The following RGS7 variants were observed in gnomAD, a reference collection of about 807,000 sequenced individuals.
The protein encoded by RGS7 is regulator of G protein signaling 7, also known as regulator of G-protein signaling 7.
Under a neutral mutation model 81.1 loss-of-function variants are expected in RGS7, and 27 were observed. That is an observed-to-expected ratio of 0.33 (90% CI 0.25 to 0.46). The LOEUF is 0.46. Ranked by LOEUF, RGS7 falls within the 20% of genes least tolerant of loss-of-function variation. RGS7 has a pLI of 1.00. For missense variants in RGS7, 396 were observed against 607.4 expected (o/e 0.65, Z 3.66); for synonymous variants, 208 against 207.7 (o/e 1.00, Z -0.01).
chr1:240,939,829 G>A (rs968591941), intron 4 of RGS7, among the ~76,000 whole-genome samples: 6 of 152,054 alleles, frequency 3.9e-5, no homozygotes, highest in South Asian at 2.1e-4. Flanking sequence ...CCAGCACTTC[G>A]GGAGGCCAAG....
chr1:240,812,726 T>C (rs1690084667), intron 13 of RGS7, among the ~76,000 whole-genome samples: 1 of 152,130 alleles, frequency 6.6e-6, no homozygotes. Flanking sequence ...TGCGCCACCA[T>C]GCCAGGCACA....
chr1:241,237,355 A>C (rs2076035738), intron 2 of RGS7, among the ~76,000 whole-genome samples: 1 of 152,174 alleles, frequency 6.6e-6, no homozygotes, highest in Non-Finnish European at 1.5e-5. Context: ...AAATGGTCCT[A>C]GGCAAGGCCA....
chr1:240,983,139 G>GA lies in RGS7; in HGVS notation c.176-11dup. The GA allele has an allele frequency of 7.0e-7, 1 of 1,432,176 alleles. No individual in the cohort carries two copies. The allele number at this position is 1,432,176 out of a possible 1,614,324, so 88.7% of individuals were successfully genotyped here. The stretch of plus-strand genomic sequence containing the variant: ...TGAACAATGTCTGAACCTAGAAAAA[G>GA]AAAAAAGAAAAACACAAACAGATGT... On this transcript the variant is annotated splice_polypyrimidine_tract_variant and intron_variant, in intron 3 of 18. Transcript: ENST00000440928.
intron 16 of RGS7, among the ~76,000 whole-genome samples, chr1:240,802,076 G>A (rs747877813): frequency 7.2e-5 from 11 of 152,042 alleles, no homozygotes; most frequent in Non-Finnish European, 1.0e-4. Flanking sequence ...CTGCTGTACT[G>A]GATAGTGTTA....
chr1:241,273,084 C>T (rs1263626067), intron 2 of RGS7, among the ~76,000 whole-genome samples: 2 of 151,662 alleles, frequency 1.3e-5, no homozygotes, highest in African/African-American at 4.9e-5. Context: ...TCTCTCTTGA[C>T]TTTATGTTTC....
intron 2 of RGS7, among the ~76,000 whole-genome samples, chr1:241,309,407 A>T (rs1558301665): frequency 7.2e-6 from 1 of 139,206 alleles, no homozygotes; most frequent in Non-Finnish European, 1.6e-5. Context: ...AAAAAAAAGG[A>T]AAAAGAAAAA....
intron 3 of RGS7, among the ~76,000 whole-genome samples, chr1:241,024,078 A>G (rs915401990): frequency 6.6e-6 from 1 of 152,200 alleles, no homozygotes; most frequent in African/African-American, 2.4e-5. Context: ...TAACTGTTTC[A>G]AAGATGAGAA....
At chr1:241,284,855 C>CT (rs1245637212) in intron 2 of RGS7, among the ~76,000 whole-genome samples, 9 of 133,946 alleles carry the variant, frequency 6.7e-5, no homozygotes, top group African/African-American at 1.1e-4. Flanking sequence ...TTCTGTCTTT[C>CT]TTTGTTTTTT....
intron 17 of RGS7, among the ~76,000 whole-genome samples, chr1:240,801,226 A>T (rs2103051588): frequency 6.6e-6 from 1 of 152,330 alleles, no homozygotes. Context: ...ACTTCTTTCC[A>T]AACTTTAATT....
At chr1:240,846,896 C>A (rs1659190543) in intron 9 of RGS7, among the ~76,000 whole-genome samples, 1 of 152,138 alleles carries the variant, frequency 6.6e-6, no homozygotes, top group Admixed American at 6.5e-5. Flanking sequence ...TGAAGTGAAC[C>A]ATCAGCCCCT....
chr1:240,853,832 C>T (rs984098452), intron 9 of RGS7, among the ~76,000 whole-genome samples: 3 of 121,922 alleles, frequency 2.5e-5, no homozygotes, highest in Non-Finnish European at 3.2e-5. Flanking sequence ...ACCCGGGAGG[C>T]GGAGCTTGCA....
intron 2 of RGS7, among the ~76,000 whole-genome samples, chr1:241,315,620 T>C (rs1360286832): frequency 1.3e-5 from 2 of 152,212 alleles, no homozygotes; most frequent in Non-Finnish European, 2.9e-5. Flanking sequence ...ATCTTCTACA[T>C]ATAAGGTCAT....
At chr1:240,935,072 T>G (rs558612099) in intron 5 of RGS7, among the ~76,000 whole-genome samples, 25 of 151,272 alleles carry the variant, frequency 1.7e-4, no homozygotes, top group African/African-American at 5.1e-4. Flanking sequence ...TTGTTTGTTT[T>G]TTTTTTAGTA....
At chr1:240,957,355 C>T (rs1317427256) in intron 4 of RGS7, among the ~76,000 whole-genome samples, 1 of 152,210 alleles carries the variant, frequency 6.6e-6, no homozygotes, top group Non-Finnish European at 1.5e-5. Flanking sequence ...GCTGCACTGT[C>T]AGCTTCCCTC....
chr1:241,227,164 G>T (rs755171594), intron 2 of RGS7, among the ~76,000 whole-genome samples: 8 of 152,152 alleles, frequency 5.3e-5, no homozygotes, highest in African/African-American at 7.2e-5. Context: ...CCCTTGTACA[G>T]GATACACCCA....
intron 2 of RGS7, among the ~76,000 whole-genome samples, chr1:241,186,027 C>A (rs1048555793): frequency 6.6e-5 from 10 of 152,054 alleles, no homozygotes; most frequent in East Asian, 1.9e-4. Flanking sequence ...ACGGGAAAAT[C>A]AAAATCTGGT....
intron 2 of RGS7, among the ~76,000 whole-genome samples, chr1:241,113,587 C>T (rs1339477665): frequency 6.6e-6 from 1 of 152,206 alleles, no homozygotes; most frequent in African/African-American, 2.4e-5. Flanking sequence ...TTTTGATACT[C>T]GCATGGATAA....
At chr1:241,175,463 C>T (rs978461460) in intron 2 of RGS7, among the ~76,000 whole-genome samples, 2 of 152,158 alleles carry the variant, frequency 1.3e-5, no homozygotes, top group Non-Finnish European at 2.9e-5. Flanking sequence ...TCCACACATA[C>T]AGAAGAGGTC....
chr1:241,170,273 T>A (rs1466260272), intron 2 of RGS7, among the ~76,000 whole-genome samples: 2 of 152,170 alleles, frequency 1.3e-5, no homozygotes, highest in Non-Finnish European at 2.9e-5. Flanking sequence ...TAAACTTAAT[T>A]TTCATTTATA....
Sources: allele counts gnomAD v4.1 joint callset (sites outside exome capture counted in the v4.1 genomes callset), GRCh38; gene constraint gnomAD v4.1.1; transcripts MANE v1.5; gene names NCBI Gene and HGNC (gene_info 2026-07-23, HGNC 2026-07-21).